Variants in NRXN3 observed in about 807,000 individuals in gnomAD.
NRXN3 encodes the protein neurexin 3.
A neutral mutation model predicts 137.6 loss-of-function variants in NRXN3; 32 were observed. The ratio of observed to expected loss-of-function variants is 0.23; its 90% CI spans 0.18 to 0.31. NRXN3 has a LOEUF of 0.31. Among genes scored for constraint, NRXN3 ranks in the 10% least tolerant of loss-of-function variants. The pLI, the probability that NRXN3 is intolerant of heterozygous loss-of-function variation, is 1.00. For missense variants in NRXN3, 1,574 were observed against 2,062.5 expected, an observed-to-expected ratio of 0.76 and a Z score of 4.59; for synonymous variants, 798 against 784.5, an observed-to-expected ratio of 1.02 and a Z score of -0.29.
intron 16 of NRXN3, among the ~76,000 whole-genome samples, chr14:79,580,307 A>C (rs143626959): frequency 1.3e-5 from 2 of 152,326 alleles, no homozygotes; most frequent in African/African-American, 4.8e-5. Context: ...ATAAAAATTC[A>C]ATAGTGGGAT....
intron 4 of NRXN3, among the ~76,000 whole-genome samples, chr14:78,631,931 C>T (rs2097526094): frequency 6.6e-6 from 1 of 151,528 alleles, no homozygotes; most frequent in South Asian, 2.1e-4. Context: ...TTTGGTGAAA[C>T]CCCGTCTCTG....
chr14:79,787,126 T>G (rs2099131641), intron 19 of NRXN3, among the ~76,000 whole-genome samples: 1 of 152,208 alleles, frequency 6.6e-6, no homozygotes, highest in South Asian at 2.1e-4. Context: ...AAATAAGAAA[T>G]TTATCTCTCT....
intron 19 of NRXN3, among the ~76,000 whole-genome samples, chr14:79,724,884 A>G (rs1156384385): frequency 6.6e-6 from 1 of 152,146 alleles, no homozygotes; most frequent in African/African-American, 2.4e-5. Flanking sequence ...GGCATCAAAC[A>G]TGCTTTCATT....
At chr14:78,868,592 GGTGGATCA>G (rs1169201109) in intron 10 of NRXN3, among the ~76,000 whole-genome samples, 1 of 151,994 alleles carries the variant, frequency 6.6e-6, no homozygotes, top group Non-Finnish European at 1.5e-5. Flanking sequence ...GGCCGAGGTG[GGTGGATCA>G]CCTGAGGTCA....
intron 15 of NRXN3, among the ~76,000 whole-genome samples, chr14:79,105,054 A>G (rs191850010): frequency 2.0e-5 from 3 of 152,202 alleles, no homozygotes; most frequent in African/African-American, 7.2e-5. Context: ...TTTCTTGCTT[A>G]AGTAATATGG....
At chr14:79,257,751 C>A (rs1013268595) in intron 15 of NRXN3, among the ~76,000 whole-genome samples, 4 of 151,614 alleles carry the variant, frequency 2.6e-5, no homozygotes, top group East Asian at 3.9e-4. Flanking sequence ...TCAGGAAGAT[C>A]ATGATATCAA....
At chr14:79,082,423 A>G (rs2047238946) in intron 15 of NRXN3, among the ~76,000 whole-genome samples, 1 of 52,864 alleles carries the variant, frequency 1.9e-5, no homozygotes, top group South Asian at 6.4e-4. Context: ...GTGTGTGTAG[A>G]CACAGCACCA....
chr14:79,502,410 T>A (rs1275883114), intron 16 of NRXN3, among the ~76,000 whole-genome samples: 1 of 152,088 alleles, frequency 6.6e-6, no homozygotes, highest in South Asian at 2.1e-4. Flanking sequence ...CACACCTCTT[T>A]AGGGTTCTGA....
chr14:79,527,545 A>C (rs1201221949), intron 16 of NRXN3, among the ~76,000 whole-genome samples: 1 of 151,966 alleles, frequency 6.6e-6, no homozygotes, highest in African/African-American at 2.4e-5. Flanking sequence ...AGGTAGTTTA[A>C]AATTTTCCTT....
At chr14:78,763,981 G>A (rs1206002169) in intron 8 of NRXN3, among the ~76,000 whole-genome samples, 2 of 152,144 alleles carry the variant, frequency 1.3e-5, no homozygotes, top group Non-Finnish European at 2.9e-5. Flanking sequence ...GTGACACTAG[G>A]TGATGAGCAT....
intron 8 of NRXN3, among the ~76,000 whole-genome samples, chr14:78,781,239 A>G (rs1036292915): frequency 6.6e-6 from 1 of 152,192 alleles, no homozygotes; most frequent in Non-Finnish European, 1.5e-5. Flanking sequence ...GTGTAGTTTC[A>G]TATATATTAA....
At chr14:79,846,682 C>T (rs1366230727) in intron 20 of NRXN3, among the ~76,000 whole-genome samples, 2 of 152,062 alleles carry the variant, frequency 1.3e-5, no homozygotes, top group Non-Finnish European at 2.9e-5. Context: ...TCTTTGTGAC[C>T]CTACTGTACC....
chr14:78,644,103 T>C (rs2097662457), intron 4 of NRXN3, among the ~76,000 whole-genome samples: 2 of 133,276 alleles, frequency 1.5e-5, no homozygotes, highest in African/African-American at 5.9e-5. Context: ...ATCACACCAC[T>C]GCACTCCAGC....
chr14:78,403,607 G>T (rs1390431700), intron 4 of NRXN3: 11 of 540,408 alleles, frequency 2.0e-5, no homozygotes, highest in Non-Finnish European at 2.6e-5. Flanking sequence ...GATGTGTGCA[G>T]GTTTCTAATT....
intron 4 of NRXN3, among the ~76,000 whole-genome samples, chr14:78,318,035 A>T (rs142910919): frequency 3.4e-4 from 52 of 152,162 alleles, no homozygotes; most frequent in African/African-American, 1.1e-3. Context: ...TAACTTTCAA[A>T]ATATGAAACC....
At chr14:78,987,431 A>C (rs2099509176) in intron 14 of NRXN3, among the ~76,000 whole-genome samples, 1 of 152,182 alleles carries the variant, frequency 6.6e-6, no homozygotes, top group South Asian at 2.1e-4. Context: ...GAGTACCTGG[A>C]GAGCTCAGCA....
rs1404142336 is a variant in NRXN3 at position 78,858,270 on chromosome 14, A to G, written c.2275+47926A>G. ...CTGCAGCCCTGACACCTGTCTGGGGAATTTAGACTTTAGTGACAATCCTTG... is the reference window on the plus strand; with the variant it reads ...CTGCAGCCCTGACACCTGTCTGGGGGATTTAGACTTTAGTGACAATCCTTG... On this transcript the variant is annotated intron_variant, in intron 10 of 20. Transcript: ENST00000335750. Among the ~76,000 whole-genome samples, 5 of 152,138 alleles carry G rather than the reference A, an allele frequency of 3.3e-5. No individual in the cohort carries two copies. In the East Asian group the frequency reaches 7.8e-4, roughly 24 times the overall value.
chr14:78,917,669 A>T (rs1215601896), intron 10 of NRXN3, among the ~76,000 whole-genome samples: 1 of 152,042 alleles, frequency 6.6e-6, no homozygotes, highest in Non-Finnish European at 1.5e-5. Flanking sequence ...GAGTGGTAGG[A>T]TCCTGACCTG....
At chr14:79,234,312 A>ATATATATATATATATAATATT (rs2072881840) in intron 15 of NRXN3, among the ~76,000 whole-genome samples, 2 of 102,622 alleles carry the variant, frequency 1.9e-5, no homozygotes, top group Non-Finnish European at 3.7e-5. Context: ...ATATATATAT[A>ATATATATATATATATAATATT]TATATATATA....
Sources: gnomAD v4.1 joint callset for allele counts (sites outside exome capture counted in the v4.1 genomes callset) on GRCh38, gnomAD v4.1.1 for gene constraint, MANE v1.5 for transcripts, NCBI Gene and HGNC (gene_info 2026-07-23, HGNC 2026-07-21) for gene names.